Variants in NRXN1 observed in about 807,000 individuals in gnomAD.
NRXN1 encodes the protein neurexin-1.
In NRXN1, 39 loss-of-function variants were observed where a neutral mutation model predicts 150.9. The observed-to-expected ratio is 0.26, with a 90% CI of 0.20 to 0.34. The LOEUF (loss-of-function observed/expected upper bound fraction) is 0.34. Ranked by LOEUF, NRXN1 falls within the 10% of genes least tolerant of loss-of-function variation. The pLI is 1.00. For synonymous variants in NRXN1, 924 were observed against 757.0 expected, an observed-to-expected ratio of 1.22 and a Z score of -3.62; for missense variants, 1,815 against 1,949.9, an observed-to-expected ratio of 0.93 and a Z score of 1.30.
chr2:50,289,296 T>C (rs2072599836), intron 17 of NRXN1, among the ~76,000 whole-genome samples: 2 of 152,154 alleles, frequency 1.3e-5, no homozygotes, highest in Admixed American at 6.6e-5. Context: ...CTAAAAGAGG[T>C]AGCTGTTAGG....
At chr2:50,087,833 G>A (rs1699009299) in intron 19 of NRXN1, among the ~76,000 whole-genome samples, 1 of 152,142 alleles carries the variant, frequency 6.6e-6, no homozygotes, top group African/African-American at 2.4e-5. Context: ...TTACAGAGCA[G>A]TACCATTGGT....
chr2:50,533,989 C>G (rs2093187332), intron 10 of NRXN1, among the ~76,000 whole-genome samples: 1 of 151,958 alleles, frequency 6.6e-6, no homozygotes, highest in Non-Finnish European at 1.5e-5. Flanking sequence ...ATACAAGTAC[C>G]TTGAGGGCAG....
At chr2:50,918,201 T>C (rs1392360646) in intron 5 of NRXN1, 3 of 154,104 alleles carry the variant, frequency 1.9e-5, no homozygotes, top group African/African-American at 7.2e-5. Context: ...ACTTGTAATA[T>C]TTTGCTCTTC....
intron 5 of NRXN1, among the ~76,000 whole-genome samples, chr2:50,715,290 G>T (rs17501568): frequency 0.081 from 12,252 of 152,044 alleles, 565 homozygotes; most frequent in Middle Eastern, 0.11. Flanking sequence ...TGTGAACATG[G>T]GATTTCGGGT....
intron 5 of NRXN1, among the ~76,000 whole-genome samples, chr2:50,749,910 TA>T (rs1302518789): frequency 6.6e-6 from 1 of 152,026 alleles, no homozygotes; most frequent in Non-Finnish European, 1.5e-5. Context: ...ACCCCTAAAC[TA>T]AATGGTTAAT....
At chr2:50,937,680 A>G (rs1688752662) in intron 2 of NRXN1, among the ~76,000 whole-genome samples, 1 of 152,194 alleles carries the variant, frequency 6.6e-6, no homozygotes. Flanking sequence ...AATGATGATG[A>G]TGCAGAATAC....
At chr2:51,001,621 T>C (rs1700087643) in intron 2 of NRXN1, among the ~76,000 whole-genome samples, 1 of 152,066 alleles carries the variant, frequency 6.6e-6, no homozygotes, top group Admixed American at 6.6e-5. Flanking sequence ...AATTTCATTT[T>C]ATTAAAATGT....
At chr2:49,989,637 G>A (rs1681574871) in intron 21 of NRXN1, among the ~76,000 whole-genome samples, 1 of 152,118 alleles carries the variant, frequency 6.6e-6, no homozygotes, top group Non-Finnish European at 1.5e-5. Context: ...AGGCTTATTC[G>A]GTGATTCTGG....
chr2:50,041,744 G>C (rs965579337), intron 21 of NRXN1, among the ~76,000 whole-genome samples: 1 of 152,208 alleles, frequency 6.6e-6, no homozygotes, highest in Non-Finnish European at 1.5e-5. Flanking sequence ...TTTATTATTA[G>C]AGTGTGTCAA....
chr2:50,403,984 C>T (rs1277176372), intron 17 of NRXN1, among the ~76,000 whole-genome samples: 1 of 152,048 alleles, frequency 6.6e-6, no homozygotes, highest in Non-Finnish European at 1.5e-5. Flanking sequence ...CCTATGATCA[C>T]AGTTTCTCTA....
chr2:50,538,172 A>T, intron 10 of NRXN1, 81 bp downstream of exon 10: 1 of 1,476,438 alleles, frequency 6.8e-7, no homozygotes, highest in Non-Finnish European at 9.1e-7. Context: ...ATTACGTTTC[A>T]ATGGTCAGTG....
chr2:50,679,262 C>T (rs897472351), intron 5 of NRXN1, among the ~76,000 whole-genome samples: 15 of 151,988 alleles, frequency 9.9e-5, no homozygotes, highest in Non-Finnish European at 1.6e-4. Flanking sequence ...GGGAGACATC[C>T]CTCTGGAAGG....
chr2:50,166,671 CCTATTTATTAAATGCATA>C (rs1559013550), intron 18 of NRXN1, among the ~76,000 whole-genome samples: 1 of 152,038 alleles, frequency 6.6e-6, no homozygotes, highest in African/African-American at 2.4e-5. Context: ...GATGCTAAAA[CCTATTTATTAAATGCATA>C]CTATTTATTA....
At chr2:49,984,268 C>T (rs1680524199) in intron 21 of NRXN1, among the ~76,000 whole-genome samples, 1 of 152,126 alleles carries the variant, frequency 6.6e-6, no homozygotes, top group South Asian at 2.1e-4. Context: ...AGAAATGTGG[C>T]TAGCAAGTGG....
chr2:50,987,215 A>G (rs1697857572), intron 2 of NRXN1, among the ~76,000 whole-genome samples: 1 of 152,020 alleles, frequency 6.6e-6, no homozygotes, highest in Non-Finnish European at 1.5e-5. Context: ...GTAAATAAAC[A>G]ACTTACTATC....
intron 17 of NRXN1, among the ~76,000 whole-genome samples, chr2:50,394,503 C>T (rs1464690265): frequency 6.6e-6 from 1 of 152,012 alleles, no homozygotes; most frequent in Non-Finnish European, 1.5e-5. Context: ...TCTAATCTGT[C>T]GGCAAGTGCA....
intron 17 of NRXN1, among the ~76,000 whole-genome samples, chr2:50,289,581 A>T (rs995369388): frequency 1.3e-5 from 2 of 152,126 alleles, no homozygotes; most frequent in African/African-American, 4.8e-5. Context: ...CTGCTACATG[A>T]AGTAAAGGCC....
chr2:50,822,909 G>A (rs1669936706), intron 5 of NRXN1, among the ~76,000 whole-genome samples: 1 of 152,144 alleles, frequency 6.6e-6, no homozygotes, highest in Admixed American at 6.5e-5. Context: ...ACATTGTAAT[G>A]AATTAATCTG....
At chr2:50,137,701 C>T (rs541710679) in intron 18 of NRXN1, among the ~76,000 whole-genome samples, 2 of 152,206 alleles carry the variant, frequency 1.3e-5, no homozygotes, top group Admixed American at 6.5e-5. Flanking sequence ...GCCTGCCGCT[C>T]ATAAAATCAT....
Sources: gnomAD v4.1 joint callset for allele counts (sites outside exome capture counted in the v4.1 genomes callset) on GRCh38, gnomAD v4.1.1 for gene constraint, MANE v1.5 for transcripts, NCBI Gene and HGNC (gene_info 2026-07-23, HGNC 2026-07-21) for gene names.